The following SMAP1 variants were observed in gnomAD, a reference collection of about 807,000 sequenced individuals.
SMAP1 encodes the protein stromal membrane-associated protein 1.
Under a neutral mutation model 58.5 loss-of-function variants are expected in SMAP1, and 24 were observed. The observed-to-expected ratio is 0.41, with a 90% CI of 0.30 to 0.58. SMAP1 has a LOEUF of 0.58. Ranked by LOEUF, SMAP1 falls within the 20% of genes least tolerant of loss-of-function variation. SMAP1 has a pLI of 0.29. For synonymous variants in SMAP1, 216 were observed against 196.6 expected, an observed-to-expected ratio of 1.10 and a Z score of -0.82; for missense variants, 563 against 566.3, an observed-to-expected ratio of 0.99 and a Z score of 0.06.
chr6:70,693,298 C>CTTTT lies in SMAP1; in HGVS notation c.118+25178_118+25181dup, dbSNP rs55693339. Among the ~76,000 whole-genome samples, 71 of 109,598 alleles carry CTTTT rather than the reference C, an allele frequency of 6.5e-4. 1 individual carries two copies. The highest frequency in any genetic ancestry group is 4.2e-3 in the South Asian group (13 of 3,104). The allele number at this position is 109,598 out of a possible 152,430, so 71.9% of individuals were successfully genotyped here. ...GGATTTCTGTGAAGAATGTCATCTT[C>CTTTT]TTTTTTTTTTTTTTTTTTTTTTTTA... is the stretch of plus-strand genomic sequence containing the variant. On this transcript the variant is annotated intron_variant, in intron 1 of 10. Transcript: ENST00000370455.
intron 1 of SMAP1, among the ~76,000 whole-genome samples, chr6:70,713,723 G>A (rs1768151810): frequency 6.6e-6 from 1 of 152,150 alleles, no homozygotes; most frequent in East Asian, 1.9e-4. Flanking sequence ...TTCTTCTGTT[G>A]AGTAGAACGT....
At chr6:70,815,942 A>G (rs1769610111) in intron 6 of SMAP1, among the ~76,000 whole-genome samples, 1 of 152,158 alleles carries the variant, frequency 6.6e-6, no homozygotes, top group Admixed American at 6.6e-5. Flanking sequence ...TATAAAAATG[A>G]TGAAAACAGC....
At chr6:70,773,715 T>G (rs1767428793) in intron 4 of SMAP1, among the ~76,000 whole-genome samples, 1 of 152,110 alleles carries the variant, frequency 6.6e-6, no homozygotes, top group South Asian at 2.1e-4. Flanking sequence ...GGGAGAGAAA[T>G]TTTTTCCCCT....
chr6:70,797,225 C>T (rs1258878618), intron 5 of SMAP1, among the ~76,000 whole-genome samples: 1 of 152,050 alleles, frequency 6.6e-6, no homozygotes, highest in Non-Finnish European at 1.5e-5. Context: ...AATCACACAA[C>T]AAACACTAAA....
At chr6:70,744,988 T>A (rs573227179) in intron 2 of SMAP1, among the ~76,000 whole-genome samples, 85 of 152,376 alleles carry the variant, frequency 5.6e-4, no homozygotes, top group African/African-American at 2.0e-3. Flanking sequence ...AAAGTGTCTG[T>A]TCATATCCTT....
chr6:70,773,851 TTTG>T lies in SMAP1; in HGVS notation c.414+429_414+431del, dbSNP rs1390512796. ...AATATATTAAAAGATGGCATTTACA[TTTG>T]TTATTAGCAAGCATTTTGATACTCC... On this transcript the variant is annotated intron_variant, in intron 4 of 10. Transcript: ENST00000370455. Among the ~76,000 whole-genome samples, 3 of 152,216 alleles carry T rather than the reference TTTG, an allele frequency of 2.0e-5. No individual in the cohort carries two copies. The East Asian group carries it at 5.8e-4, about 29-fold the overall frequency.
chr6:70,748,061 A>C (rs1202851821), intron 2 of SMAP1, among the ~76,000 whole-genome samples: 1 of 152,306 alleles, frequency 6.6e-6, no homozygotes, highest in South Asian at 2.1e-4. Context: ...CCTGAGACCA[A>C]AAACGGTGGC....
chr6:70,679,916 T>C (rs1766632101), intron 1 of SMAP1, among the ~76,000 whole-genome samples: 1 of 152,120 alleles, frequency 6.6e-6, no homozygotes, highest in South Asian at 2.1e-4. Flanking sequence ...CAAGGGACCT[T>C]CCAAAATCAA....
chr6:70,784,317 A>G (rs1276715570), intron 4 of SMAP1, among the ~76,000 whole-genome samples: 1 of 152,100 alleles, frequency 6.6e-6, no homozygotes, highest in Non-Finnish European at 1.5e-5. Flanking sequence ...AAACATGGAA[A>G]GGAACAACCG....
In SMAP1 at chr6:70,755,085, T is replaced by C; in HGVS notation, c.338+20T>C. ...AGATCAGTATCCTTTAAAACTTATT[T>C]GTTTTGAGTTTAAAAAACATTAACT... On this transcript the variant is annotated intron_variant, in intron 3 of 10. Coordinates refer to ENST00000370455, the MANE Select transcript of SMAP1 (RefSeq NM_001044305.3). 6.4e-7 allele frequency: 1 copy of C among 1,559,682 alleles called. No homozygotes were observed. The highest frequency in any genetic ancestry group is 8.8e-7 in the Non-Finnish European group (1 of 1,142,470).
chr6:70,817,695 G>A (rs960141003), intron 6 of SMAP1, among the ~76,000 whole-genome samples: 1 of 152,028 alleles, frequency 6.6e-6, no homozygotes, highest in Non-Finnish European at 1.5e-5. Flanking sequence ...CCATCTCTTT[G>A]TTGATTTTAA....
chr6:70,683,423 G>A (rs754751720), intron 1 of SMAP1, among the ~76,000 whole-genome samples: 2 of 151,932 alleles, frequency 1.3e-5, no homozygotes, highest in African/African-American at 2.4e-5. Flanking sequence ...ACCCGCCTTG[G>A]CCTCTCAAAG....
rs375041348 is a variant in SMAP1, at chr6:70,758,045, T to A, written c.338+2980T>A. The stretch of plus-strand genomic sequence containing the variant: ...GTATATACCCAAAGGACTATAAATC[T>A]TGCTGCTATAAAGACACATGCACAC... On this transcript the variant is annotated intron_variant, in intron 3 of 10. Transcript: ENST00000370455. Among the ~76,000 whole-genome samples, 16 of 151,942 alleles carry A rather than the reference T, an allele frequency of 1.1e-4. No homozygotes were observed. In the South Asian group the frequency reaches 2.1e-3, roughly 20 times the overall value.
chr6:70,763,106 C>CTT (rs35936929), intron 3 of SMAP1, among the ~76,000 whole-genome samples: 24 of 84,468 alleles, frequency 2.8e-4, no homozygotes, highest in East Asian at 3.7e-4. Flanking sequence ...ACAGATATTA[C>CTT]TTTTTTTTTT....
intron 1 of SMAP1, among the ~76,000 whole-genome samples, chr6:70,730,315 C>CT (rs1582076205): frequency 1.3e-5 from 1 of 77,960 alleles, no homozygotes; most frequent in African/African-American, 1.0e-4. Flanking sequence ...CCTTGGCTTC[C>CT]CAAGTGCAGG....
chr6:70,861,669 C>T lies in SMAP1; in HGVS notation c.*1335C>T. 1 of 1,613,318 alleles carries T rather than the reference C, an allele frequency of 6.2e-7. No individual in the cohort carries two copies. On this transcript the variant is annotated 3_prime_UTR_variant, in exon 11 of 11. Transcript: ENST00000370455. Reference sequence around the variant, plus strand: ...CACCAGTTGCTGCTTCAATTTATACCTCAATTTTCACTGTGTCCAGGTGGT... The same window carrying T: ...CACCAGTTGCTGCTTCAATTTATACTTCAATTTTCACTGTGTCCAGGTGGT...
intron 1 of SMAP1, among the ~76,000 whole-genome samples, chr6:70,679,955 G>A (rs1766633417): frequency 6.6e-6 from 1 of 152,122 alleles, no homozygotes; most frequent in African/African-American, 2.4e-5. Context: ...GAATGTTTGA[G>A]GTCTTACACA....
chr6:70,781,660 T>G (rs1767769480), intron 4 of SMAP1, among the ~76,000 whole-genome samples: 1 of 152,238 alleles, frequency 6.6e-6, no homozygotes. Flanking sequence ...ACCACCAGAT[T>G]TAATTTTCAT....
chr6:70,789,265 G>A (rs987776929), intron 4 of SMAP1, among the ~76,000 whole-genome samples: 112 of 152,114 alleles, frequency 7.4e-4, no homozygotes, highest in African/African-American at 2.7e-3. Flanking sequence ...ATATCGCTGT[G>A]TAACCACTAC....
Sources: allele counts gnomAD v4.1 joint callset (sites outside exome capture counted in the v4.1 genomes callset), GRCh38; gene constraint gnomAD v4.1.1; transcripts MANE v1.5; gene names NCBI Gene and HGNC (gene_info 2026-07-23, HGNC 2026-07-21).